RRAS2: variants seen among roughly 807,000 people sequenced by gnomAD.
The protein encoded by RRAS2 is RAS related 2.
RRAS2 carries 7 observed loss-of-function variants against 27.6 expected under a neutral mutation model. That is an observed-to-expected ratio of 0.25 (90% CI 0.14 to 0.48). The LOEUF (loss-of-function observed/expected upper bound fraction) is 0.48. Among genes scored for constraint, RRAS2 ranks in the 20% least tolerant of loss-of-function variants. The pLI is 0.99. For synonymous variants in RRAS2, 86 were observed against 90.9 expected, an observed-to-expected ratio of 0.95 and a Z score of 0.31; for missense variants, 178 against 256.2, an observed-to-expected ratio of 0.69 and a Z score of 2.08.
rs1381669100 is a variant in RRAS2 at position 14,278,128 on chromosome 11, A to G, written c.*1209T>C. 1 of 152,258 alleles carries G rather than the reference A, an allele frequency of 6.6e-6. No individual in the cohort carries two copies. Among genetic ancestry groups the G allele is most frequent in the Non-Finnish European group, 1.5e-5 (1 of 68,044 alleles). 9.4% of individuals were successfully genotyped at this position (152,258 alleles called of 1,614,324 possible). On this transcript the variant is annotated 3_prime_UTR_variant, in exon 6 of 6. Transcript: ENST00000256196. ...ATCAGATGCCATCCACAGTTATACTAATTATCCATTAAAAGCTTACACTTA... is the reference window on the plus strand; with the variant it reads ...ATCAGATGCCATCCACAGTTATACTGATTATCCATTAAAAGCTTACACTTA...
intron 1 of RRAS2, among the ~76,000 whole-genome samples, chr11:14,333,190 G>GA (rs1471568269): frequency 2.2e-4 from 33 of 151,974 alleles, no homozygotes; most frequent in Non-Finnish European, 4.0e-4. Flanking sequence ...AAGTCCACTA[G>GA]AAAAAAGAGT....
chr11:14,359,060 G>A lies in RRAS2; in HGVS notation c.-190C>T, dbSNP rs1849148286. On this transcript the variant is annotated 5_prime_UTR_variant, in exon 1 of 6. Transcript: ENST00000256196. ...GCTGGGGACTGGCTGGGTACCGCCC[G>A]AGGCGCGGAGAAGCGGGGTGACGGC... 1.8e-6 allele frequency: 2 copies of A among 1,105,180 alleles called. No homozygotes were observed. Among genetic ancestry groups the A allele is most frequent in the Non-Finnish European group, 1.1e-6 (1 of 907,364 alleles). 68.5% of individuals were successfully genotyped at this position (1,105,180 alleles called of 1,614,324 possible). A position where few individuals can be genotyped will look rare whatever the true frequency, so the allele number is the denominator to read the frequency against.
rs929221154 is a variant in RRAS2, at chr11:14,359,109, G to T, written c.-239C>A. 3 of 1,055,852 alleles carry T rather than the reference G, an allele frequency of 2.8e-6. No homozygotes were observed. The African/African-American group carries it at 5.1e-5, about 18-fold the overall frequency. 65.4% of individuals were successfully genotyped at this position (1,055,852 alleles called of 1,614,324 possible). A position where few individuals can be genotyped will look rare whatever the true frequency, so the allele number is the denominator to read the frequency against. Reference sequence around the variant, plus strand: ...GCACGGGCCAGGGGCGGCAGCGGCCGGGGGGCGCGCTCCTCTACGCGTCTC... The same window carrying T: ...GCACGGGCCAGGGGCGGCAGCGGCCTGGGGGCGCGCTCCTCTACGCGTCTC... On this transcript the variant is annotated 5_prime_UTR_variant, in exon 1 of 6. Transcript: ENST00000256196.
At chr11:14,329,711 A>C (rs1489538923) in intron 1 of RRAS2, among the ~76,000 whole-genome samples, 1 of 152,188 alleles carries the variant, frequency 6.6e-6, no homozygotes, top group Non-Finnish European at 1.5e-5. Flanking sequence ...AGAAATCAAC[A>C]AAGACTTAAA....
intron 1 of RRAS2, among the ~76,000 whole-genome samples, chr11:14,297,604 A>G (rs1475701862): frequency 6.6e-6 from 1 of 151,904 alleles, no homozygotes; most frequent in Admixed American, 6.6e-5. Flanking sequence ...TCCACGAAAA[A>G]TTTAAGACTT....
At position 14,358,206 on chromosome 11, in the gene RRAS2, G is replaced by A; in HGVS notation, c.108+557C>T. ...ACTCCCACCCGGACATATTACCTAAGAGAGTACTTATAAAAAGAGCGTAAC... is the reference window on the plus strand; with the variant it reads ...ACTCCCACCCGGACATATTACCTAAAAGAGTACTTATAAAAAGAGCGTAAC... On this transcript the variant is annotated intron_variant, in intron 1 of 5. Coordinates refer to ENST00000256196, the MANE Select transcript of RRAS2 (RefSeq NM_012250.6). The surrounding 1 kb of genome is among the most constrained non-coding windows in gnomAD (Gnocchi z 5.1). 1.0e-6 allele frequency: 1 copy of A among 984,786 alleles called. No individual in the cohort carries two copies. The highest frequency in any genetic ancestry group is 1.7e-5 in the African/African-American group (1 of 57,360). The allele number at this position is 984,786 out of a possible 1,614,324, so 61.0% of individuals were successfully genotyped here. A position where few individuals can be genotyped will look rare whatever the true frequency, so the allele number is the denominator to read the frequency against.
Position 14,358,719 on chromosome 11 carries a change from G to A in RRAS2, c.108+44C>T. 1.2e-5 allele frequency: 14 copies of A among 1,193,952 alleles called. No homozygotes were observed. The highest frequency in any genetic ancestry group is 1.3e-5 in the Non-Finnish European group (12 of 958,174). The allele number at this position is 1,193,952 out of a possible 1,614,324, so 74.0% of individuals were successfully genotyped here. On this transcript the variant is annotated intron_variant, in intron 1 of 5. Coordinates refer to ENST00000256196, the MANE Select transcript of RRAS2 (RefSeq NM_012250.6). The surrounding 1 kb of genome is among the most constrained non-coding windows in gnomAD (Gnocchi z 5.1). ...CCCGCCACAGGTAGCGCCAGCCCCC[G>A]CCCGCCGCCGCTCCGGCGCCCCGGG...
chr11:14,330,416 G>T (rs544992854), intron 1 of RRAS2, among the ~76,000 whole-genome samples: 2 of 152,278 alleles, frequency 1.3e-5, no homozygotes, highest in Admixed American at 6.5e-5. Flanking sequence ...GGAGGCTGAG[G>T]TAGGAAGATC....
intron 1 of RRAS2, among the ~76,000 whole-genome samples, chr11:14,348,913 A>G (rs1324730361): frequency 6.6e-6 from 1 of 152,170 alleles, no homozygotes; most frequent in Non-Finnish European, 1.5e-5. Flanking sequence ...AGATGTACAG[A>G]TGTACGCATG....
At chr11:14,338,476 C>T (rs1021343698) in intron 1 of RRAS2, among the ~76,000 whole-genome samples, 13 of 152,164 alleles carry the variant, frequency 8.5e-5, no homozygotes. Flanking sequence ...CACATATCTA[C>T]AAGGTAGCTT....
At chr11:14,319,109 A>G (rs1020568613) in intron 1 of RRAS2, among the ~76,000 whole-genome samples, 6 of 152,204 alleles carry the variant, frequency 3.9e-5, no homozygotes, top group Non-Finnish European at 8.8e-5. Context: ...TGTGCCCCAA[A>G]TTACATCATT....
At chr11:14,288,738 TAGC>T (rs1306988548) in intron 4 of RRAS2, among the ~76,000 whole-genome samples, 1 of 152,186 alleles carries the variant, frequency 6.6e-6, no homozygotes. Flanking sequence ...AAAACACAGG[TAGC>T]AGCAGCAGTT....
At chr11:14,354,973 A>G (rs1849042346) in intron 1 of RRAS2, among the ~76,000 whole-genome samples, 1 of 152,076 alleles carries the variant, frequency 6.6e-6, no homozygotes, top group African/African-American at 2.4e-5. Context: ...CACCACGCCC[A>G]GCCAACAATT....
At chr11:14,362,522 G>A (rs575511181), upstream of RRAS2, among the ~76,000 whole-genome samples, 38 of 152,050 alleles carry the variant, frequency 2.5e-4, no homozygotes, top group Non-Finnish European at 5.1e-4. Flanking sequence ...GAGAATATGG[G>A]AGAGGAAGAA....
chr11:14,348,017 A>T (rs1473182295), intron 1 of RRAS2, among the ~76,000 whole-genome samples: 2 of 152,178 alleles, frequency 1.3e-5, no homozygotes, highest in African/African-American at 2.4e-5. Flanking sequence ...TTACTGGCCT[A>T]ACCTAAATTT....
intron 4 of RRAS2, among the ~76,000 whole-genome samples, chr11:14,291,339 G>A (rs146943723): frequency 1.3e-5 from 2 of 152,166 alleles, no homozygotes; most frequent in African/African-American, 4.8e-5. Context: ...CTTTAAAAGT[G>A]AGAGTAGTCA....
intron 1 of RRAS2, among the ~76,000 whole-genome samples, chr11:14,317,895 C>T (rs1199040890): frequency 1.3e-5 from 2 of 152,286 alleles, no homozygotes; most frequent in East Asian, 3.9e-4. Flanking sequence ...TGCACCACTG[C>T]CCTCCAGTCT....
chr11:14,294,285 T>G (rs1411917001), intron 4 of RRAS2, among the ~76,000 whole-genome samples, 186 bp downstream of exon 4: 1 of 152,204 alleles, frequency 6.6e-6, no homozygotes, highest in African/African-American at 2.4e-5. Context: ...CCAAATCTAC[T>G]TCCTTTTTAT....
At chr11:14,348,191 C>A (rs782720967) in intron 1 of RRAS2, among the ~76,000 whole-genome samples, 2 of 152,158 alleles carry the variant, frequency 1.3e-5, no homozygotes, top group Non-Finnish European at 2.9e-5. Context: ...ATTAGCATAA[C>A]AAAGTAAAAC....
Sources: allele counts gnomAD v4.1 joint callset (sites outside exome capture counted in the v4.1 genomes callset), GRCh38; gene constraint gnomAD v4.1.1; non-coding constraint Gnocchi (gnomAD v3.1); transcripts MANE v1.5; gene names NCBI Gene and HGNC (gene_info 2026-07-23, HGNC 2026-07-21).